The following AKAP3 variants were observed in gnomAD, a reference collection of about 807,000 sequenced individuals.
The protein encoded by AKAP3 is A-kinase anchor protein 3.
AKAP3 carries 27 observed loss-of-function variants against 57.2 expected under a neutral mutation model. The observed-to-expected ratio is 0.47, with a 90% confidence interval of 0.35 to 0.65. The LOEUF (loss-of-function observed/expected upper bound fraction) is 0.65, where lower values mean the gene tolerates loss of function less well. Among genes scored for constraint, AKAP3 ranks in the 30% least tolerant of loss-of-function variants. The probability of loss-of-function intolerance (pLI) is 0.01; values close to 1 mark genes in which losing one functional copy is unlikely to be tolerated. For missense variants in AKAP3, 959 were observed against 1,040.0 expected (o/e 0.92, Z 1.07); for synonymous variants, 334 against 392.3 (o/e 0.85, Z 1.76).
At chr12:4,647,511 A>G (rs1351474299) in intron 1 of AKAP3, among the ~76,000 whole-genome samples, 1 of 152,036 alleles carries the variant, frequency 6.6e-6, no homozygotes, top group East Asian at 1.9e-4. Flanking sequence ...CATCTCTGAA[A>G]AAAAAAAAAG....
chr12:4,646,747 C>A (rs1479108943), intron 1 of AKAP3, among the ~76,000 whole-genome samples: 1 of 151,998 alleles, frequency 6.6e-6, no homozygotes, highest in African/African-American at 2.4e-5. Flanking sequence ...AGAAAGTGCA[C>A]CTACTAGTCA....
At chr12:4,623,251 T>C (rs1296901411) in intron 5 of AKAP3, among the ~76,000 whole-genome samples, 1 of 152,196 alleles carries the variant, frequency 6.6e-6, no homozygotes, top group African/African-American at 2.4e-5. Flanking sequence ...GCAATCCCAT[T>C]ACTGGGTGTA....
At position 4,635,715 on chromosome 12, in the gene AKAP3, C is replaced by T; in HGVS notation, c.96+2386G>A. On this transcript the variant is annotated intron_variant, in intron 4 of 5. Transcript: ENST00000228850. ...TATACAGCTATGGCTGCTTGTGCTC[C>T]TCTGTAGTACATTGGTGCTAGGCTA... 4 of 715,532 alleles carry T rather than the reference C, an allele frequency of 5.6e-6. No homozygotes were observed. In the South Asian group the frequency reaches 6.1e-5, roughly 11 times the overall value. The allele number at this position is 715,532 out of a possible 1,614,324, so 44.3% of individuals were successfully genotyped here.
intron 4 of AKAP3, among the ~76,000 whole-genome samples, chr12:4,636,314 A>G (rs1397006386): frequency 6.6e-6 from 1 of 152,156 alleles, no homozygotes; most frequent in African/African-American, 2.4e-5. Context: ...GTAGGACGAG[A>G]GTGTGTCTAT....
chr12:4,632,024 T>C (rs1363738084), intron 4 of AKAP3, among the ~76,000 whole-genome samples: 1 of 152,192 alleles, frequency 6.6e-6, no homozygotes, highest in Non-Finnish European at 1.5e-5. Context: ...ATTTCAACAG[T>C]TATTATGTTT....
intron 5 of AKAP3, among the ~76,000 whole-genome samples, chr12:4,616,192 A>G (rs1393165228): frequency 1.3e-5 from 2 of 152,216 alleles, no homozygotes; most frequent in African/African-American, 4.8e-5. Context: ...CAGGATGGAA[A>G]ATGTCCAGTG....
chr12:4,627,208 G>C lies in AKAP3; in HGVS notation c.1694C>G (p.Pro565Arg). 2.5e-6 allele frequency: 4 copies of C among 1,614,130 alleles called. No individual in the cohort carries two copies. Among genetic ancestry groups the C allele is most frequent in the Non-Finnish European group, 3.4e-6 (4 of 1,180,022 alleles). Residue 565 changes from proline (P) to arginine (R), a missense_variant, in exon 5 of 6, where the codon CCT becomes CGT. Physicochemically the swap from Pro to Arg is moderately radical, Grantham distance 103. Transcript: ENST00000228850. The stretch of plus-strand genomic sequence containing the variant: ...AAGGCAAGATTCATCGGGAGCTACA[G>C]GAGGTTCATTGGCAGGAAAGTTGGT... Reference protein sequence around the residue: ...GTTNFPANEPPVAPDESCLKS... With the variant: ...GTTNFPANEPRVAPDESCLKS...
rs146483765 is a variant in AKAP3 at position 4,634,266 on chromosome 12, C to T, written c.96+3835G>A. ...TTGCAATACTTTATGTTGCAAATTA[C>T]GGGTACATTGCTCGTTATGGTTCTA... is the stretch of plus-strand genomic sequence containing the variant. On this transcript the variant is annotated intron_variant, in intron 4 of 5. Coordinates refer to ENST00000228850, the MANE Select transcript of AKAP3 (RefSeq NM_001278309.2). Among the ~76,000 whole-genome samples the T allele has an allele frequency of 7.7e-3, 1,169 of 152,200 alleles. 16 individuals are homozygous for T. Among genetic ancestry groups the T allele is most frequent in the African/African-American group, 0.027 (1,102 of 41,530 alleles).
intron 5 of AKAP3, among the ~76,000 whole-genome samples, chr12:4,617,984 A>C (rs1410460291): frequency 6.6e-6 from 1 of 152,200 alleles, no homozygotes; most frequent in Admixed American, 6.5e-5. Flanking sequence ...CCACTAAAAA[A>C]ACTACACACA....
At chr12:4,622,974 A>T (rs1428343852) in intron 5 of AKAP3, among the ~76,000 whole-genome samples, 1 of 152,150 alleles carries the variant, frequency 6.6e-6, no homozygotes, top group Non-Finnish European at 1.5e-5. Context: ...ACACAAACAG[A>T]CTCTTTGCAA....
At chr12:4,638,253 G>T in intron 3 of AKAP3, 57 bp from the exon 4 acceptor site, 1 of 1,254,638 alleles carries the variant, frequency 8.0e-7, no homozygotes, top group Non-Finnish European at 1.1e-6. Context: ...TTTTATGAAA[G>T]TAAGAAGAAA....
At chr12:4,624,537 G>T (rs1646701554) in intron 5 of AKAP3, among the ~76,000 whole-genome samples, 1 of 152,130 alleles carries the variant, frequency 6.6e-6, no homozygotes, top group South Asian at 2.1e-4. Flanking sequence ...AAATACAAAT[G>T]TATTTAAAGA....
chr12:4,617,231 A>G (rs1055118073), intron 5 of AKAP3, among the ~76,000 whole-genome samples: 2 of 152,244 alleles, frequency 1.3e-5, no homozygotes, highest in Non-Finnish European at 2.9e-5. Context: ...TATCCAGCAG[A>G]AATTATAACT....
chr12:4,615,556 T>C lies in AKAP3; in HGVS notation c.*183A>G. Reference sequence around the variant, plus strand: ...TTTTAATTTTACGTCCTTGCTTGCATGGACAGGAAAATCTGCAAAATCCAG... The same window carrying C: ...TTTTAATTTTACGTCCTTGCTTGCACGGACAGGAAAATCTGCAAAATCCAG... On this transcript the variant is annotated 3_prime_UTR_variant, in exon 6 of 6. Transcript: ENST00000228850. 1 of 677,098 alleles carries C rather than the reference T, an allele frequency of 1.5e-6. No homozygotes were observed. Among genetic ancestry groups the C allele is most frequent in the Non-Finnish European group, 2.3e-6 (1 of 436,952 alleles). The allele number at this position is 677,098 out of a possible 1,614,324, so 41.9% of individuals were successfully genotyped here.
chr12:4,639,814 CTTTTTTTTTTT>C (rs34820221), intron 3 of AKAP3, among the ~76,000 whole-genome samples: 1 of 111,132 alleles, frequency 9.0e-6, no homozygotes, highest in African/African-American at 3.2e-5. Context: ...ATTTTCTTGT[CTTTTTTTTTTT>C]TTTTTTTTTG....
chr12:4,637,403 C>T (rs771257173), intron 4 of AKAP3, among the ~76,000 whole-genome samples: 4 of 152,164 alleles, frequency 2.6e-5, no homozygotes, highest in Non-Finnish European at 4.4e-5. Flanking sequence ...TGAGGGAGAG[C>T]GAGCTCTTGT....
chr12:4,630,756 A>T (rs780543693), intron 4 of AKAP3, among the ~76,000 whole-genome samples: 11 of 152,192 alleles, frequency 7.2e-5, no homozygotes, highest in Non-Finnish European at 1.3e-4. Context: ...TCTTGTCTAG[A>T]CACCTATAAG....
At chr12:4,623,452 T>A (rs1020158885) in intron 5 of AKAP3, among the ~76,000 whole-genome samples, 2 of 152,236 alleles carry the variant, frequency 1.3e-5, no homozygotes, top group Admixed American at 1.3e-4. Context: ...GCCATTTCCT[T>A]TGCAGGAACA....
rs1287263990 is a variant in AKAP3 at position 4,625,722 on chromosome 12, C to T, written c.2406+774G>A. Among the ~76,000 whole-genome samples, 1 of 146,862 alleles carries T rather than the reference C, an allele frequency of 6.8e-6. No homozygotes were observed. Among genetic ancestry groups the T allele is most frequent in the Non-Finnish European group, 1.5e-5 (1 of 67,244 alleles). On this transcript the variant is annotated intron_variant, in intron 5 of 5. Coordinates refer to ENST00000228850, the MANE Select transcript of AKAP3 (RefSeq NM_001278309.2). The surrounding 1 kb of genome is among the most constrained non-coding windows in gnomAD (Gnocchi z 5.4). ...GAGAGAGAGAGAGAGAGAGAGCAAG[C>T]GAGCGAGAAGGCAGAGAGGAGAGAG...
Sources: gnomAD v4.1 joint callset for allele counts (sites outside exome capture counted in the v4.1 genomes callset) on GRCh38, gnomAD v4.1.1 for gene constraint, Gnocchi (gnomAD v3.1) non-coding constraint, MANE v1.5 for transcripts, NCBI Gene and HGNC (gene_info 2026-07-23, HGNC 2026-07-21) for gene names.